Variants in DNAAF9 observed in about 807,000 individuals in gnomAD.
DNAAF9 encodes shulin.
DNAAF9 carries 90 observed loss-of-function variants against 167.0 expected under a neutral mutation model. That is an observed-to-expected ratio of 0.54 (90% CI 0.45 to 0.64). The LOEUF (loss-of-function observed/expected upper bound fraction) is 0.64. Among genes scored for constraint, DNAAF9 ranks in the 30% least tolerant of loss-of-function variants. The pLI, the probability that DNAAF9 is intolerant of heterozygous loss-of-function variation, is 0.00. For missense variants in DNAAF9, 1,315 were observed against 1,442.2 expected, an observed-to-expected ratio of 0.91 and a Z score of 1.43; for synonymous variants, 491 against 508.8, an observed-to-expected ratio of 0.96 and a Z score of 0.47.
At chr20:3,355,059 C>G (rs1009057830) in intron 7 of DNAAF9, among the ~76,000 whole-genome samples, 1 of 152,180 alleles carries the variant, frequency 6.6e-6, no homozygotes, top group Non-Finnish European at 1.5e-5. Context: ...TATGTGTGAC[C>G]TGCAGTATCC....
intron 10 of DNAAF9, among the ~76,000 whole-genome samples, chr20:3,335,199 T>C (rs1368747022): frequency 6.6e-6 from 1 of 152,230 alleles, no homozygotes; most frequent in Non-Finnish European, 1.5e-5. Flanking sequence ...CCCTTCCTGA[T>C]GTTCCAAGAT....
At chr20:3,364,172 G>A (rs6037575) in intron 6 of DNAAF9, among the ~76,000 whole-genome samples, 96,359 of 151,980 alleles carry the variant, frequency 0.63, 30,773 homozygotes, top group South Asian at 0.69. Context: ...AAATGCAGTT[G>A]TAACAACTGT....
At chr20:3,252,733 G>A in intron 36 of DNAAF9, 49 bp from the exon 37 acceptor site, 1 of 1,152,588 alleles carries the variant, frequency 8.7e-7, no homozygotes, top group Non-Finnish European at 1.3e-6. Context: ...GACAAGGGAG[G>A]CTGCCTGAGC....
At chr20:3,365,366 G>A (rs894455052) in intron 6 of DNAAF9, among the ~76,000 whole-genome samples, 2 of 137,178 alleles carry the variant, frequency 1.5e-5, no homozygotes, top group African/African-American at 5.8e-5. Flanking sequence ...CACACTATTT[G>A]ATAACATTTT....
At chr20:3,348,381 A>T in intron 8 of DNAAF9, 144 bp downstream of exon 8, 3 of 418,638 alleles carry the variant, frequency 7.2e-6, no homozygotes, top group East Asian at 3.5e-5. Flanking sequence ...ATGGGGGGGA[A>T]CTACTTTATG....
In DNAAF9 at chr20:3,272,123, C is replaced by T. The variant is rs561728506; in HGVS notation, c.2651-1561G>A. ...ATTATTTCAAACAAAAATACTTCAA[C>T]GTGAATTTCCATAATATAAGGACTC... On this transcript the variant is annotated intron_variant, in intron 29 of 36. Coordinates refer to ENST00000252032, the MANE Select transcript of DNAAF9 (RefSeq NM_001009984.3). Among the ~76,000 whole-genome samples, 17 of 152,132 alleles carry T rather than the reference C, an allele frequency of 1.1e-4. No individual in the cohort carries two copies. In the East Asian group the frequency reaches 2.1e-3, roughly 19 times the overall value.
At chr20:3,333,969 C>G (rs1241811609) in intron 10 of DNAAF9, among the ~76,000 whole-genome samples, 1 of 152,184 alleles carries the variant, frequency 6.6e-6, no homozygotes, top group Non-Finnish European at 1.5e-5. Flanking sequence ...GAGCACGACT[C>G]TTAAAAACAT....
rs549844496 is a variant in DNAAF9 at position 3,335,855 on chromosome 20, G to A, written c.982-3494C>T. 8.5e-5 allele frequency among the ~76,000 whole-genome samples: 13 copies of A among 152,126 alleles called. No individual in the cohort carries two copies. In the East Asian group the frequency reaches 2.1e-3, roughly 25 times the overall value. On this transcript the variant is annotated intron_variant, in intron 10 of 36. Coordinates refer to ENST00000252032, the MANE Select transcript of DNAAF9 (RefSeq NM_001009984.3). ...TTTTTTGTTTGGGCTGAGCGTGGTG[G>A]CTCATGCCTGTTATCTCAGCACTTT...
intron 16 of DNAAF9, among the ~76,000 whole-genome samples, chr20:3,319,546 A>G (rs1296239595): frequency 1.3e-5 from 2 of 152,144 alleles, no homozygotes; most frequent in African/African-American, 2.4e-5. Context: ...TAGCACAAGG[A>G]CCTGTCCCCT....
chr20:3,271,277 C>G (rs1201645200), intron 29 of DNAAF9, among the ~76,000 whole-genome samples: 1 of 152,102 alleles, frequency 6.6e-6, no homozygotes, highest in African/African-American at 2.4e-5. Context: ...AGGGGTTATT[C>G]ATTATATCCT....
At chr20:3,289,268 T>C (rs2068907000) in intron 26 of DNAAF9, among the ~76,000 whole-genome samples, 1 of 152,200 alleles carries the variant, frequency 6.6e-6, no homozygotes, top group Admixed American at 6.5e-5. Context: ...ACATGTATTC[T>C]AAAACTTAAA....
intron 5 of DNAAF9, among the ~76,000 whole-genome samples, chr20:3,374,581 T>A (rs750702): frequency 1.3e-5 from 2 of 152,134 alleles, no homozygotes; most frequent in Admixed American, 1.3e-4. Context: ...TAACAATAGC[T>A]TCAATGTGCA....
At chr20:3,274,362 T>G (rs544169851) in intron 29 of DNAAF9, among the ~76,000 whole-genome samples, 186 of 152,238 alleles carry the variant, frequency 1.2e-3, no homozygotes, top group African/African-American at 4.1e-3. Context: ...AGGCTGGTCT[T>G]AAACTCCTGA....
chr20:3,303,963 G>A (rs1310580471), intron 21 of DNAAF9, among the ~76,000 whole-genome samples: 6 of 152,192 alleles, frequency 3.9e-5, no homozygotes, highest in East Asian at 1.9e-4. Flanking sequence ...AAACTCTCAC[G>A]GGGAAAGTGA....
At chr20:3,397,205 C>T (rs1457844899) in intron 1 of DNAAF9, among the ~76,000 whole-genome samples, 1 of 150,932 alleles carries the variant, frequency 6.6e-6, no homozygotes, top group Non-Finnish European at 1.5e-5. Context: ...GGAGATCACA[C>T]CACTGCACTC....
At position 3,250,216 on chromosome 20, in the gene DNAAF9, C is replaced by G. The variant is rs2068176399; in HGVS notation, c.*2356G>C. ...CCATTCCTTTGGAAACAGCAGAAGA[C>G]CCTGCTCCTCCCACCTGGAGCGCCG... On this transcript the variant is annotated 3_prime_UTR_variant, in exon 37 of 37. Transcript: ENST00000252032. 6.6e-6 allele frequency: 1 copy of G among 152,290 alleles called. No individual in the cohort carries two copies. The highest frequency in any genetic ancestry group is 1.5e-5 in the Non-Finnish European group (1 of 68,116). 9.4% of individuals were successfully genotyped at this position (152,290 alleles called of 1,614,324 possible). A position where few individuals can be genotyped will look rare whatever the true frequency, so the allele number is the denominator to read the frequency against.
Position 3,264,480 on chromosome 20 carries a change from C to G in DNAAF9, c.2831G>C (p.Ser944Thr), listed in dbSNP as rs746841970. Residue 944 changes from serine to threonine, a missense_variant, in exon 31 of 37, where the codon AGT becomes ACT. This residue lies in a region of DNAAF9 where 334 missense variants were observed against 429.7 expected (regional missense o/e 0.78). Coordinates refer to ENST00000252032, the MANE Select transcript of DNAAF9 (RefSeq NM_001009984.3). ...ELILSENSFS[S>T]PEMLRSRYLM... ...ATATCGAGATCGTAGCATCTCAGGA[C>G]TTGAAAAACTGTTTTCTGAGAGAAT... 5.1e-6 allele frequency: 8 copies of G among 1,570,518 alleles called. No individual in the cohort carries two copies. The highest frequency in any genetic ancestry group is 2.2e-5 in the South Asian group (2 of 90,074).
intron 3 of DNAAF9, among the ~76,000 whole-genome samples, chr20:3,376,940 G>A (rs768885777): frequency 5.3e-5 from 8 of 152,188 alleles, no homozygotes; most frequent in Non-Finnish European, 5.9e-5. Context: ...GTGGTGGCGC[G>A]CACCTGTAAT....
At position 3,315,146 on chromosome 20, in the gene DNAAF9, A is replaced by C; in HGVS notation, c.1591-26T>G. On this transcript the variant is annotated intron_variant, in intron 19 of 36. Transcript: ENST00000252032. This position sits in a 1 kb window ranked among gnomAD's most constrained non-coding sequence, Gnocchi z 4.1. ...CTTTAAAAACAACAACAAAAACAAAAATCCAAAAAAGAATAGGTGATTTAT... is the reference window on the plus strand; with the variant it reads ...CTTTAAAAACAACAACAAAAACAAACATCCAAAAAAGAATAGGTGATTTAT... 1 of 1,376,834 alleles carries C rather than the reference A, an allele frequency of 7.3e-7. No individual in the cohort carries two copies. Among genetic ancestry groups the C allele is most frequent in the Non-Finnish European group, 1.0e-6 (1 of 965,018 alleles). 85.3% of individuals were successfully genotyped at this position (1,376,834 alleles called of 1,614,324 possible).
Sources: gnomAD v4.1 joint callset for allele counts (sites outside exome capture counted in the v4.1 genomes callset) on GRCh38, gnomAD v4.1.1 for gene constraint, gnomAD v4.1.1 regional missense constraint, Gnocchi (gnomAD v3.1) non-coding constraint, MANE v1.5 for transcripts, NCBI Gene and HGNC (gene_info 2026-07-23, HGNC 2026-07-21) for gene names.